ASTN2: variants seen among roughly 807,000 people sequenced by gnomAD.
The protein encoded by ASTN2 is astrotactin 2.
In ASTN2, 54 loss-of-function variants were observed where a neutral mutation model predicts 139.8. The ratio of observed to expected loss-of-function variants is 0.39; its 90% CI spans 0.31 to 0.48. ASTN2 has a LOEUF of 0.48. Among genes scored for constraint, ASTN2 ranks in the 20% least tolerant of loss-of-function variants. The pLI is 0.95. For synonymous variants in ASTN2, 756 were observed against 719.5 expected, an observed-to-expected ratio of 1.05 and a Z score of -0.81; for missense variants, 1,565 against 1,725.1, an observed-to-expected ratio of 0.91 and a Z score of 1.64.
chr9:116,608,702 G>A (rs551132829), intron 19 of ASTN2, among the ~76,000 whole-genome samples: 1 of 152,216 alleles, frequency 6.6e-6, no homozygotes, highest in East Asian at 1.9e-4. Context: ...AACAAGGCAA[G>A]AATCGCAATG....
At chr9:117,340,505 A>C (rs1018023223) in intron 1 of ASTN2, among the ~76,000 whole-genome samples, 2 of 152,048 alleles carry the variant, frequency 1.3e-5, no homozygotes, top group Admixed American at 1.3e-4. Flanking sequence ...GCTCAATAAT[A>C]ACTACTCTCT....
At chr9:117,017,212 G>A (rs1265567326) in intron 6 of ASTN2, among the ~76,000 whole-genome samples, 1 of 144,888 alleles carries the variant, frequency 6.9e-6, no homozygotes, top group Non-Finnish European at 1.5e-5. Context: ...AAGAATTTTG[G>A]CTGAAGGTTG....
intron 2 of ASTN2, among the ~76,000 whole-genome samples, chr9:117,223,874 T>C (rs1342372614): frequency 2.6e-5 from 4 of 152,166 alleles, no homozygotes; most frequent in Admixed American, 2.6e-4. Context: ...AAGAAACATG[T>C]TTCTCTTTAA....
At chr9:116,496,345 T>A (rs543218886) in intron 19 of ASTN2, among the ~76,000 whole-genome samples, 1 of 152,276 alleles carries the variant, frequency 6.6e-6, no homozygotes, top group Admixed American at 6.5e-5. Flanking sequence ...AGCACAAGCA[T>A]AAAGAACACT....
At position 116,718,966 on chromosome 9, in the gene ASTN2, G is replaced by GTATATATATATATATATATA. The variant is rs1219672903; in HGVS notation, c.2806+6804_2806+6805insTATATATATATATATATATA. On this transcript the variant is annotated intron_variant, in intron 16 of 22. Coordinates refer to ENST00000313400, the MANE Select transcript of ASTN2 (RefSeq NM_001365068.1). Reference sequence around the variant, plus strand: ...TATCTATATTTACATATCTATACCTGTATCTGTACATATATATATATATAT... The same window carrying GTATATATATATATATATATA: ...TATCTATATTTACATATCTATACCTGTATATATATATATATATATATATCTGTACATATATATATATATAT... Among the ~76,000 whole-genome samples, 28 of 31,758 alleles carry GTATATATATATATATATATA rather than the reference G, an allele frequency of 8.8e-4. 1 individual carries two copies. The highest frequency in any genetic ancestry group is 3.4e-3 in the African/African-American group (27 of 7,984). 20.8% of individuals were successfully genotyped at this position (31,758 alleles called of 152,430 possible).
chr9:117,059,703 T>C (rs1190319659), intron 5 of ASTN2, among the ~76,000 whole-genome samples: 1 of 152,160 alleles, frequency 6.6e-6, no homozygotes, highest in Non-Finnish European at 1.5e-5. Context: ...GATAATTTTG[T>C]GTCCTTCTTA....
chr9:116,440,581 C>A, intron 22 of ASTN2, 28 bp downstream of exon 22: 1 of 1,606,218 alleles, frequency 6.2e-7, no homozygotes, highest in Non-Finnish European at 8.5e-7. Flanking sequence ...AAGAATATGC[C>A]CCTCCAATCA....
At chr9:117,162,171 A>G (rs932090317) in intron 3 of ASTN2, among the ~76,000 whole-genome samples, 50 of 152,094 alleles carry the variant, frequency 3.3e-4, no homozygotes, top group Non-Finnish European at 7.4e-5. Flanking sequence ...CTATCCTATC[A>G]GGGGAAGAAC....
intron 1 of ASTN2, among the ~76,000 whole-genome samples, chr9:117,358,601 T>C (rs1217184525): frequency 6.6e-6 from 1 of 152,150 alleles, no homozygotes; most frequent in African/African-American, 2.4e-5. Context: ...CAGCCTCTTG[T>C]GGCACCTAGA....
At chr9:116,534,887 C>G (rs918464583) in intron 19 of ASTN2, among the ~76,000 whole-genome samples, 1 of 152,152 alleles carries the variant, frequency 6.6e-6, no homozygotes, top group African/African-American at 2.4e-5. Context: ...CCACTTGGTG[C>G]AGAACTGAGT....
intron 4 of ASTN2, among the ~76,000 whole-genome samples, chr9:117,109,336 A>G (rs1457068960): frequency 2.9e-5 from 1 of 34,380 alleles, no homozygotes; most frequent in East Asian, 2.7e-3. Context: ...CTGTCTCAAA[A>G]AATAAATAAA....
intron 13 of ASTN2, among the ~76,000 whole-genome samples, chr9:116,771,064 C>G: frequency 6.6e-6 from 1 of 152,214 alleles, no homozygotes; most frequent in East Asian, 1.9e-4. Context: ...ATCTCTCTGC[C>G]TAAAATATCC....
At chr9:116,437,983 G>A (rs2118860202) in intron 22 of ASTN2, among the ~76,000 whole-genome samples, 1 of 152,264 alleles carries the variant, frequency 6.6e-6, no homozygotes, top group African/African-American at 2.4e-5. Context: ...GGCAGAACTG[G>A]CCTCCATGTC....
intron 10 of ASTN2, among the ~76,000 whole-genome samples, chr9:116,957,853 G>A (rs1322083636): frequency 2.0e-5 from 3 of 152,050 alleles, no homozygotes. Context: ...GCTCATTTTT[G>A]TATTTTTCAC....
In ASTN2 at chr9:117,272,001, C is replaced by G. The variant is rs74902295; in HGVS notation, c.630+19325G>C. On this transcript the variant is annotated intron_variant, in intron 2 of 22. Transcript: ENST00000313400. ...TCTCACAGCTATACTAGGCAGTACC[C>G]AAGTAGGGATGCTCTGTGGGGGCTC... 2.0e-3 allele frequency among the ~76,000 whole-genome samples: 297 copies of G among 152,278 alleles called. 1 individual carries two copies. The highest frequency in any genetic ancestry group is 6.8e-3 in the African/African-American group (283 of 41,566).
rs532072609 is a variant in ASTN2 at position 116,601,109 on chromosome 9, G to A, written c.3355+17215C>T. On this transcript the variant is annotated intron_variant, in intron 19 of 22. Coordinates refer to ENST00000313400, the MANE Select transcript of ASTN2 (RefSeq NM_001365068.1). ...CTAGGAATAGTATAGAATGCTAAAAGTTCATGTAGTCAACAAGAGGGCCAA... is the reference window on the plus strand; with the variant it reads ...CTAGGAATAGTATAGAATGCTAAAAATTCATGTAGTCAACAAGAGGGCCAA... 6.6e-5 allele frequency among the ~76,000 whole-genome samples: 10 copies of A among 152,292 alleles called. No individual in the cohort carries two copies. The East Asian group carries it at 1.9e-3, about 29-fold the overall frequency.
intron 20 of ASTN2, among the ~76,000 whole-genome samples, chr9:116,468,021 C>T (rs1399528626): frequency 6.6e-6 from 1 of 152,142 alleles, no homozygotes; most frequent in Non-Finnish European, 1.5e-5. Context: ...TGGGAAAGAC[C>T]CATACCTGTT....
chr9:117,180,581 G>A (rs1202144703), intron 3 of ASTN2: 1 of 839,432 alleles, frequency 1.2e-6, no homozygotes, highest in Non-Finnish European at 1.9e-6. Context: ...TTTATTGACT[G>A]CTTACTATGC....
intron 19 of ASTN2, among the ~76,000 whole-genome samples, chr9:116,605,258 C>T (rs1473078292): frequency 6.6e-6 from 1 of 152,056 alleles, no homozygotes; most frequent in Non-Finnish European, 1.5e-5. Flanking sequence ...AGAAAAGGGG[C>T]ACTGACCAGC....
Sources: gnomAD v4.1 joint callset for allele counts (sites outside exome capture counted in the v4.1 genomes callset) on GRCh38, gnomAD v4.1.1 for gene constraint, MANE v1.5 for transcripts, NCBI Gene and HGNC (gene_info 2026-07-23, HGNC 2026-07-21) for gene names.